The following RALYL variants were observed in gnomAD, a reference collection of about 807,000 sequenced individuals.
RALYL encodes the protein RNA-binding Raly-like protein.
In RALYL, 29 loss-of-function variants were observed where a neutral mutation model predicts 35.1. That is an observed-to-expected ratio of 0.83 (90% CI 0.61 to 1.13). RALYL has a LOEUF of 1.13. Among genes scored for constraint, RALYL ranks in the 50% most tolerant of loss-of-function variants. RALYL has a pLI of 0.00. For synonymous variants in RALYL, 120 were observed against 127.6 expected (o/e 0.94, Z 0.40); for missense variants, 359 against 360.4 (o/e 1.00, Z 0.03).
intron 1 of RALYL, among the ~76,000 whole-genome samples, chr8:84,434,403 C>G (rs1307108879): frequency 6.6e-6 from 1 of 152,064 alleles, no homozygotes; most frequent in African/African-American, 2.4e-5. Flanking sequence ...TGTACAGATT[C>G]TTAGCTAAGG....
chr8:84,635,357 A>C (rs1022748593), intron 2 of RALYL, among the ~76,000 whole-genome samples: 27 of 151,486 alleles, frequency 1.8e-4, no homozygotes, highest in African/African-American at 6.0e-4. Flanking sequence ...CTATAGAAGA[A>C]CTATTTCCAG....
chr8:84,705,498 A>T (rs1396609444), intron 2 of RALYL, among the ~76,000 whole-genome samples: 1 of 152,216 alleles, frequency 6.6e-6, no homozygotes, highest in Non-Finnish European at 1.5e-5. Context: ...CAAAACTAAA[A>T]TTGAGAATTG....
intron 1 of RALYL, among the ~76,000 whole-genome samples, chr8:84,272,091 TTTTA>T (rs1036416193): frequency 3.3e-5 from 5 of 152,032 alleles, no homozygotes; most frequent in African/African-American, 1.2e-4. Flanking sequence ...CTTTGTTTTG[TTTTA>T]TTTTTGTTTT....
chr8:84,244,979 A>G (rs546079380), intron 1 of RALYL, among the ~76,000 whole-genome samples: 2 of 152,294 alleles, frequency 1.3e-5, no homozygotes, highest in South Asian at 4.1e-4. Context: ...TTTCAAGTTC[A>G]CGCAATTACC....
At chr8:84,635,155 A>G (rs1824778752) in intron 2 of RALYL, among the ~76,000 whole-genome samples, 1 of 151,474 alleles carries the variant, frequency 6.6e-6, no homozygotes, top group Non-Finnish European at 1.5e-5. Context: ...AGTACTTTAC[A>G]TATTTTTTTT....
At chr8:84,577,038 G>A (rs1054697613) in intron 2 of RALYL, among the ~76,000 whole-genome samples, 4 of 152,184 alleles carry the variant, frequency 2.6e-5, no homozygotes, top group Non-Finnish European at 5.9e-5. Flanking sequence ...CATAGAAGGT[G>A]ACAGGTGTTT....
chr8:84,354,927 A>G (rs1563779693), intron 1 of RALYL, among the ~76,000 whole-genome samples: 1 of 150,370 alleles, frequency 6.7e-6, no homozygotes, highest in Non-Finnish European at 1.5e-5. Flanking sequence ...AGAAACCCTC[A>G]GCTTTGTAAT....
intron 2 of RALYL, among the ~76,000 whole-genome samples, chr8:84,727,795 A>T (rs1262655298): frequency 1.3e-5 from 2 of 152,022 alleles, no homozygotes; most frequent in African/African-American, 4.8e-5. Flanking sequence ...CCTACAAAGG[A>T]CATGAACTCA....
intron 6 of RALYL, chr8:84,864,637 C>T (rs1157779922): frequency 1.3e-5 from 4 of 314,664 alleles, no homozygotes; most frequent in South Asian, 6.1e-5. Context: ...CATGTGGTTT[C>T]CAGCATCAAT....
intron 2 of RALYL, among the ~76,000 whole-genome samples, chr8:84,655,387 G>A (rs1829770258): frequency 6.6e-6 from 1 of 151,848 alleles, no homozygotes; most frequent in South Asian, 2.1e-4. Context: ...GGAGTGCAGT[G>A]GTGCAATCTC....
intron 1 of RALYL, among the ~76,000 whole-genome samples, chr8:84,347,052 T>A (rs1306060766): frequency 2.0e-5 from 3 of 151,790 alleles, no homozygotes; most frequent in African/African-American, 7.3e-5. Flanking sequence ...ACAAAAAAAC[T>A]TAGCCAGGCT....
At chr8:84,415,205 G>GTTTT (rs33962115) in intron 1 of RALYL, among the ~76,000 whole-genome samples, 2 of 54,674 alleles carry the variant, frequency 3.7e-5, no homozygotes, top group African/African-American at 5.2e-5. Context: ...GCAGACACTC[G>GTTTT]TTTTTTTTTT....
chr8:84,793,661 A>C (rs1821299522), intron 3 of RALYL, among the ~76,000 whole-genome samples: 1 of 152,216 alleles, frequency 6.6e-6, no homozygotes, highest in Non-Finnish European at 1.5e-5. Context: ...CTTCCAACAC[A>C]ATCCAGGAGT....
At chr8:84,337,517 C>G (rs1416865981) in intron 1 of RALYL, among the ~76,000 whole-genome samples, 3 of 152,066 alleles carry the variant, frequency 2.0e-5, no homozygotes, top group Non-Finnish European at 4.4e-5. Flanking sequence ...AATGTCTATA[C>G]ATGGCTACAG....
chr8:84,664,598 G>T (rs570075311), intron 2 of RALYL, among the ~76,000 whole-genome samples: 2 of 152,122 alleles, frequency 1.3e-5, no homozygotes, highest in Non-Finnish European at 2.9e-5. Flanking sequence ...AATTGTGAAT[G>T]TGAGTTTATT....
intron 1 of RALYL, among the ~76,000 whole-genome samples, chr8:84,187,888 CT>C (rs1158001702): frequency 6.6e-6 from 1 of 151,932 alleles, no homozygotes; most frequent in African/African-American, 2.4e-5. Flanking sequence ...TTACTGTTTA[CT>C]GATAGTGTAA....
At chr8:84,591,575 G>T (rs189157149) in intron 2 of RALYL, among the ~76,000 whole-genome samples, 1 of 152,190 alleles carries the variant, frequency 6.6e-6, no homozygotes, top group East Asian at 1.9e-4. Flanking sequence ...CTATTATCCT[G>T]GGCTGTTTGT....
intron 2 of RALYL, among the ~76,000 whole-genome samples, chr8:84,634,490 G>A (rs1824602009): frequency 6.6e-6 from 1 of 151,654 alleles, no homozygotes; most frequent in Non-Finnish European, 1.5e-5. Context: ...CGTCCTATTG[G>A]ACTGTGAGTT....
chr8:84,447,480 C>G (rs1316177824), intron 1 of RALYL, among the ~76,000 whole-genome samples: 1 of 152,036 alleles, frequency 6.6e-6, no homozygotes, highest in Non-Finnish European at 1.5e-5. Context: ...ACAGCCCAGT[C>G]TCTCCCTTTA....
Sources: allele counts gnomAD v4.1 joint callset (sites outside exome capture counted in the v4.1 genomes callset), GRCh38; gene constraint gnomAD v4.1.1; transcripts MANE v1.5; gene names NCBI Gene and HGNC (gene_info 2026-07-23, HGNC 2026-07-21).